LRRTM4: variants seen among roughly 807,000 people sequenced by gnomAD.
The protein encoded by LRRTM4 is leucine rich repeat transmembrane neuronal 4.
In LRRTM4, 25 loss-of-function variants were observed where a neutral mutation model predicts 47.6. The ratio of observed to expected loss-of-function variants is 0.53; its 90% CI spans 0.38 to 0.73. LRRTM4 has a LOEUF of 0.73. Among genes scored for constraint, LRRTM4 ranks in the 30% least tolerant of loss-of-function variants. The probability of loss-of-function intolerance (pLI) is 0.00; values close to 1 mark genes in which losing one functional copy is unlikely to be tolerated. For synonymous variants in LRRTM4, 311 were observed against 269.5 expected (o/e 1.15, Z -1.51); for missense variants, 638 against 713.4 (o/e 0.89, Z 1.20).
At chr2:76,767,327 T>A (rs1438873046) in intron 3 of LRRTM4, among the ~76,000 whole-genome samples, 5 of 152,220 alleles carry the variant, frequency 3.3e-5, no homozygotes, top group African/African-American at 1.2e-4. Context: ...ATTTATTGAG[T>A]GATGTCTCTG....
intron 3 of LRRTM4, among the ~76,000 whole-genome samples, chr2:77,330,456 G>A (rs927410073): frequency 2.0e-5 from 3 of 152,080 alleles, no homozygotes; most frequent in Non-Finnish European, 4.4e-5. Flanking sequence ...TGAGTGGGGA[G>A]AGAAGAGATC....
chr2:76,774,262 G>A (rs1414683030), intron 3 of LRRTM4, among the ~76,000 whole-genome samples: 1 of 151,630 alleles, frequency 6.6e-6, no homozygotes, highest in African/African-American at 2.4e-5. Flanking sequence ...TTGGCTCACT[G>A]CAACTTCCAA....
intron 3 of LRRTM4, among the ~76,000 whole-genome samples, chr2:77,063,590 C>T (rs1440885357): frequency 2.0e-5 from 3 of 151,974 alleles, no homozygotes; most frequent in Non-Finnish European, 4.4e-5. Flanking sequence ...ATCCAGAAGT[C>T]TTTAAAATAT....
intron 3 of LRRTM4, among the ~76,000 whole-genome samples, chr2:77,257,147 TA>T (rs901653294): frequency 4.3e-4 from 66 of 152,166 alleles, no homozygotes; most frequent in Admixed American, 1.6e-3. Flanking sequence ...TTCAACTTGA[TA>T]ATACTTTTTC....
chr2:77,055,448 A>T (rs545649339), intron 3 of LRRTM4, among the ~76,000 whole-genome samples: 14 of 152,288 alleles, frequency 9.2e-5, no homozygotes, highest in Admixed American at 7.2e-4. Flanking sequence ...AATGCTCACC[A>T]TCACTGCCCA....
intron 3 of LRRTM4, among the ~76,000 whole-genome samples, chr2:77,061,079 T>C (rs945718800): frequency 2.6e-5 from 4 of 151,964 alleles, no homozygotes; most frequent in Non-Finnish European, 5.9e-5. Context: ...CCTTGATTTA[T>C]TTCTAACTCT....
chr2:77,517,705 A>AG, intron 3 of LRRTM4: 1 of 984,284 alleles, frequency 1.0e-6, no homozygotes, highest in Non-Finnish European at 1.2e-6. Context: ...CAAAAAAAAA[A>AG]AAAGAAAGAA....
At chr2:76,888,139 T>G (rs766568268) in intron 3 of LRRTM4, among the ~76,000 whole-genome samples, 6 of 150,752 alleles carry the variant, frequency 4.0e-5, no homozygotes, top group Non-Finnish European at 7.4e-5. Flanking sequence ...TGTATATATG[T>G]ATTACCTATA....
At chr2:77,113,179 T>C (rs766779039) in intron 3 of LRRTM4, among the ~76,000 whole-genome samples, 10 of 152,016 alleles carry the variant, frequency 6.6e-5, no homozygotes, top group Non-Finnish European at 1.5e-4. Flanking sequence ...GTAATTAGAA[T>C]GCCATCAGCC....
chr2:77,345,831 T>C (rs986023324), intron 3 of LRRTM4, among the ~76,000 whole-genome samples: 4 of 151,694 alleles, frequency 2.6e-5, no homozygotes, highest in Non-Finnish European at 5.9e-5. Context: ...TATATATATA[T>C]GTGTGTGTAT....
chr2:77,271,737 C>T lies in LRRTM4; in HGVS notation c.1551+246581G>A, dbSNP rs1344140371. ...CTATATTGCTCTGATTATGTCCATC[C>T]TTCCTGTTTTAGTTACCACTTACTT... On this transcript the variant is annotated intron_variant, in intron 3 of 3. Transcript: ENST00000409884. Among the ~76,000 whole-genome samples, 3 of 152,310 alleles carry T rather than the reference C, an allele frequency of 2.0e-5. No homozygotes were observed. In the East Asian group the frequency reaches 5.8e-4, roughly 29 times the overall value.
At chr2:77,367,763 T>G (rs1366968977) in intron 3 of LRRTM4, among the ~76,000 whole-genome samples, 2 of 151,860 alleles carry the variant, frequency 1.3e-5, no homozygotes, top group Non-Finnish European at 2.9e-5. Flanking sequence ...CTTCAAGGTC[T>G]GGATTGAGAG....
intron 3 of LRRTM4, among the ~76,000 whole-genome samples, chr2:77,107,574 T>C (rs1671125084): frequency 6.6e-6 from 1 of 152,132 alleles, no homozygotes; most frequent in Non-Finnish European, 1.5e-5. Flanking sequence ...ATCCCAGCAC[T>C]TCGGGAGGCC....
At chr2:76,937,247 A>C (rs1251784184) in intron 3 of LRRTM4, among the ~76,000 whole-genome samples, 1 of 152,150 alleles carries the variant, frequency 6.6e-6, no homozygotes, top group African/African-American at 2.4e-5. Context: ...AGTAGGAGGC[A>C]TATGGCAAAA....
intron 3 of LRRTM4, among the ~76,000 whole-genome samples, chr2:77,020,124 T>C (rs1421042811): frequency 6.6e-6 from 1 of 152,012 alleles, no homozygotes; most frequent in Non-Finnish European, 1.5e-5. Context: ...TGTAACAAGG[T>C]ACAGGAAGAG....
chr2:77,377,310 G>A (rs1349193858), intron 3 of LRRTM4, among the ~76,000 whole-genome samples: 2 of 151,626 alleles, frequency 1.3e-5, no homozygotes, highest in Non-Finnish European at 2.9e-5. Context: ...AATTTTCTAT[G>A]TTTTTATTTA....
In LRRTM4 at chr2:76,781,341, C is replaced by T. The variant is rs559750212; in HGVS notation, c.1552-32425G>A. Among the ~76,000 whole-genome samples, 299 of 151,482 alleles carry T rather than the reference C, an allele frequency of 2.0e-3. 3 individuals are homozygous for T. The South Asian group carries it at 0.037, about 19-fold the overall frequency. On this transcript the variant is annotated intron_variant, in intron 3 of 3. Transcript: ENST00000409884. ...TCAAGCCTGTTCAATGGCGGGCACC[C>T]CTCCCCCAGCCTGGCTGCCGCCTTG... is the stretch of plus-strand genomic sequence containing the variant.
chr2:77,042,976 G>T (rs977638488), intron 3 of LRRTM4, among the ~76,000 whole-genome samples: 2 of 151,650 alleles, frequency 1.3e-5, no homozygotes, highest in African/African-American at 4.8e-5. Context: ...GCAGATGGTG[G>T]GGGTTTCTTA....
At chr2:77,024,301 T>A (rs1220175361) in intron 3 of LRRTM4, among the ~76,000 whole-genome samples, 1 of 152,162 alleles carries the variant, frequency 6.6e-6, no homozygotes, top group Non-Finnish European at 1.5e-5. Flanking sequence ...TAAGTTTGAC[T>A]TTTTAGATTC....
Sources: allele counts gnomAD v4.1 joint callset (sites outside exome capture counted in the v4.1 genomes callset), GRCh38; gene constraint gnomAD v4.1.1; transcripts MANE v1.5; gene names NCBI Gene and HGNC (gene_info 2026-07-23, HGNC 2026-07-21).